SH3BGRL2: variants seen among roughly 807,000 people sequenced by gnomAD.
SH3BGRL2 encodes SH3 domain binding glutamate rich protein like 2.
A neutral mutation model predicts 14.8 loss-of-function variants in SH3BGRL2; 21 were observed. The ratio of observed to expected loss-of-function variants is 1.42; its 90% CI spans 1.01 to 2.05. The LOEUF (loss-of-function observed/expected upper bound fraction) is 2.05, where lower values mean the gene tolerates loss of function less well. Among genes scored for constraint, SH3BGRL2 ranks in the 30% most tolerant of loss-of-function variants. The pLI is 0.00. For synonymous variants in SH3BGRL2, 50 were observed against 47.8 expected (o/e 1.05, Z -0.19); for missense variants, 147 against 130.8 (o/e 1.12, Z -0.61).
intron 1 of SH3BGRL2, among the ~76,000 whole-genome samples, chr6:79,641,949 A>G (rs1336388371): frequency 2.0e-5 from 3 of 152,188 alleles, no homozygotes; most frequent in Non-Finnish European, 4.4e-5. Flanking sequence ...CATTCACCAA[A>G]CATACCATTA....
upstream of SH3BGRL2, among the ~76,000 whole-genome samples, chr6:79,628,139 G>T (rs1768764423): frequency 6.6e-6 from 1 of 152,058 alleles, no homozygotes. Flanking sequence ...ACGGCCGTTT[G>T]ATCCACCAAT....
intron 1 of SH3BGRL2, among the ~76,000 whole-genome samples, chr6:79,639,139 T>C (rs927895925): frequency 1.3e-5 from 2 of 152,226 alleles, no homozygotes. Flanking sequence ...TTTTTCATCT[T>C]TGATTTATAA....
the SH3BGRL2 span, among the ~76,000 whole-genome samples, chr6:79,555,310 C>T: frequency 1.4e-4 from 21 of 151,794 alleles, no homozygotes; most frequent in African/African-American, 4.6e-4. Flanking sequence ...ATTAGCTGGG[C>T]GTGGTGTTGG....
At chr6:79,690,358 T>G (rs1041990860) in intron 2 of SH3BGRL2, among the ~76,000 whole-genome samples, 1 of 152,130 alleles carries the variant, frequency 6.6e-6, no homozygotes, top group African/African-American at 2.4e-5. Context: ...GGGACAGCAT[T>G]TTGATGATCA....
At chr6:79,571,046 ATTG>A in the SH3BGRL2 span, among the ~76,000 whole-genome samples, 1 of 152,202 alleles carries the variant, frequency 6.6e-6, no homozygotes, top group African/African-American at 2.4e-5. Flanking sequence ...GTTTGTTGTT[ATTG>A]TTGTTTCTCC....
the SH3BGRL2 span, among the ~76,000 whole-genome samples, chr6:79,598,079 T>A: frequency 2.0e-5 from 3 of 152,196 alleles, no homozygotes; most frequent in Non-Finnish European, 2.9e-5. Flanking sequence ...GGAATTACTA[T>A]AATCAAAAGA....
intron 1 of SH3BGRL2, among the ~76,000 whole-genome samples, chr6:79,663,539 G>A (rs906112796): frequency 3.9e-5 from 6 of 152,162 alleles, no homozygotes; most frequent in Admixed American, 1.3e-4. Context: ...CTCTGGAAGC[G>A]TCGTCCCAGA....
the SH3BGRL2 span, among the ~76,000 whole-genome samples, chr6:79,572,139 A>G: frequency 6.6e-6 from 1 of 152,280 alleles, no homozygotes; most frequent in South Asian, 2.1e-4. Flanking sequence ...CCAGAGTTCA[A>G]TCCAGAATAC....
chr6:79,575,036 G>T, the SH3BGRL2 span: 1 of 152,174 alleles, frequency 6.6e-6, no homozygotes, highest in East Asian at 1.9e-4. Context: ...GTCCCTGAAG[G>T]AGTATGATGT....
intron 1 of SH3BGRL2, among the ~76,000 whole-genome samples, chr6:79,651,095 A>G (rs1769282914): frequency 6.6e-6 from 1 of 152,142 alleles, no homozygotes; most frequent in Admixed American, 6.6e-5. Flanking sequence ...AGAAATGAGA[A>G]CAACATATTA....
chr6:79,569,805 A>C, the SH3BGRL2 span, among the ~76,000 whole-genome samples: 20 of 152,142 alleles, frequency 1.3e-4, no homozygotes, highest in African/African-American at 3.9e-4. Context: ...TCTTTGCCTA[A>C]CTTGTCCGAA....
the SH3BGRL2 span, chr6:79,574,926 AT>A: frequency 6.6e-6 from 1 of 152,052 alleles, no homozygotes; most frequent in African/African-American, 2.4e-5. Context: ...GCTAACTTGG[AT>A]TTTTTCATAG....
At chr6:79,550,803 T>A in the SH3BGRL2 span, among the ~76,000 whole-genome samples, 1 of 152,322 alleles carries the variant, frequency 6.6e-6, no homozygotes, top group African/African-American at 2.4e-5. Context: ...CCTGTCTCAC[T>A]TGTATTTCAG....
chr6:79,623,231 G>T, the SH3BGRL2 span, among the ~76,000 whole-genome samples: 1 of 152,110 alleles, frequency 6.6e-6, no homozygotes, highest in African/African-American at 2.4e-5. Context: ...GAACCTGAGG[G>T]GTGGAGGTTG....
chr6:79,689,753 A>G (rs961834358), intron 2 of SH3BGRL2, among the ~76,000 whole-genome samples: 2 of 152,120 alleles, frequency 1.3e-5, no homozygotes, highest in Admixed American at 6.5e-5. Context: ...TTTTAAGATT[A>G]AGGTTTTTAA....
chr6:79,550,630 T>G, the SH3BGRL2 span, among the ~76,000 whole-genome samples: 1 of 152,178 alleles, frequency 6.6e-6, no homozygotes, highest in South Asian at 2.1e-4. Context: ...CTGACTACTA[T>G]TCCTACTTGG....
chr6:79,697,693 T>C (rs191169968), intron 3 of SH3BGRL2, among the ~76,000 whole-genome samples: 3 of 152,328 alleles, frequency 2.0e-5, no homozygotes, highest in Non-Finnish European at 4.4e-5. Flanking sequence ...TAAAGGTTCT[T>C]AAAACTGCTT....
the SH3BGRL2 span, among the ~76,000 whole-genome samples, chr6:79,614,266 G>C: frequency 6.6e-6 from 1 of 152,240 alleles, no homozygotes; most frequent in Non-Finnish European, 1.5e-5. Flanking sequence ...AGAGACCCAG[G>C]GCATGATGGG....
At chr6:79,678,705 A>G (rs555605947) in intron 2 of SH3BGRL2, among the ~76,000 whole-genome samples, 19 of 152,202 alleles carry the variant, frequency 1.2e-4, no homozygotes, top group African/African-American at 4.6e-4. Context: ...GGTGTATTAC[A>G]TGGGTATATT....
Sources: allele counts gnomAD v4.1 joint callset (sites outside exome capture counted in the v4.1 genomes callset), GRCh38; gene constraint gnomAD v4.1.1; transcripts MANE v1.5; gene names NCBI Gene and HGNC (gene_info 2026-07-23, HGNC 2026-07-21).